Variants in CTNNAL1 observed in about 807,000 individuals in gnomAD.
The protein encoded by CTNNAL1 is alpha-catulin.
Under a neutral mutation model 93.6 loss-of-function variants are expected in CTNNAL1, and 69 were observed. The ratio of observed to expected loss-of-function variants is 0.74; its 90% CI spans 0.61 to 0.90. The LOEUF is 0.90. Ranked by LOEUF, CTNNAL1 falls within the 40% of genes least tolerant of loss-of-function variation. The probability of loss-of-function intolerance (pLI) is 0.00; values close to 1 mark genes in which losing one functional copy is unlikely to be tolerated. For missense variants in CTNNAL1, 836 were observed against 862.0 expected, an observed-to-expected ratio of 0.97 and a Z score of 0.38; for synonymous variants, 286 against 305.4, an observed-to-expected ratio of 0.94 and a Z score of 0.66.
chr9:108,996,194 GC>G (rs1227132096), intron 2 of CTNNAL1, among the ~76,000 whole-genome samples: 1 of 151,982 alleles, frequency 6.6e-6, no homozygotes, highest in Non-Finnish European at 1.5e-5. Context: ...CTCAAACACA[GC>G]TCAAGCGATC....
chr9:108,967,496 A>G (rs1284276819), intron 10 of CTNNAL1, among the ~76,000 whole-genome samples: 1 of 152,178 alleles, frequency 6.6e-6, no homozygotes, highest in East Asian at 1.9e-4. Flanking sequence ...AAACAGATAA[A>G]TGTCCCTGGC....
chr9:108,982,401 AT>A (rs1361937291), intron 6 of CTNNAL1, among the ~76,000 whole-genome samples: 1 of 152,236 alleles, frequency 6.6e-6, no homozygotes, highest in African/African-American at 2.4e-5. Flanking sequence ...AATTTTAATT[AT>A]TACTAATACT....
chr9:108,946,072 G>A (rs1053332013), intron 15 of CTNNAL1, among the ~76,000 whole-genome samples: 11 of 151,898 alleles, frequency 7.2e-5, no homozygotes, highest in African/African-American at 1.5e-4. Flanking sequence ...AGGCTGAGGC[G>A]GGCGAATCAC....
chr9:108,972,864 G>GGGGGGGGGGGGCCCCCCCCCCCCC, intron 8 of CTNNAL1, 31 bp from the exon 9 acceptor site: 3 of 142,548 alleles, frequency 2.1e-5, no homozygotes, highest in East Asian at 2.2e-4. Context: ...GGGGGGGTGG[G>GGGGGGGGGGGGCCCCCCCCCCCCC]AGGGTGGAGA....
At chr9:108,964,041 T>A (rs1053604095) in intron 11 of CTNNAL1, among the ~76,000 whole-genome samples, 1 of 152,166 alleles carries the variant, frequency 6.6e-6, no homozygotes, top group African/African-American at 2.4e-5. Context: ...TTCCCAACAG[T>A]CCCTAAGGCT....
rs1439732576 is a variant in CTNNAL1 at position 108,983,179 on chromosome 9, G to A, written c.866C>T (p.Ser289Phe). 1 of 1,566,944 alleles carries A rather than the reference G, an allele frequency of 6.4e-7. No individual in the cohort carries two copies. Among genetic ancestry groups the A allele is most frequent in the South Asian group, 1.2e-5 (1 of 81,794 alleles). ...CTTAATTCCAGTAAAAATACTGATA[G>A]ATGAAATGTCAGTCTCTCCATTCGG... is the stretch of plus-strand genomic sequence containing the variant. ...CKPNGETDIS[S>F]ISIFTGIKEF... Residue 289 changes from serine (S) to phenylalanine (F), a missense_variant, in exon 6 of 19, where the codon TCT (serine) becomes TTT (phenylalanine). Ser to Phe is a radical substitution (Grantham distance 155). Transcript: ENST00000325551.
At position 108,944,054 on chromosome 9, in the gene CTNNAL1, A is replaced by C. The variant is rs2132074783; in HGVS notation, c.1885-36T>G. The C allele has an allele frequency of 2.0e-6, 3 of 1,532,528 alleles. No homozygotes were observed. In the East Asian group the frequency reaches 6.7e-5, roughly 34 times the overall value. The allele number at this position is 1,532,528 out of a possible 1,614,324, so 94.9% of individuals were successfully genotyped here. ...GAGAAAACACCACTATTTTAGACTGATGTCTATGGATAGTTGGTAAGAAAT... is the reference window on the plus strand; with the variant it reads ...GAGAAAACACCACTATTTTAGACTGCTGTCTATGGATAGTTGGTAAGAAAT... On this transcript the variant is annotated intron_variant, in intron 15 of 18. Transcript: ENST00000325551.
chr9:108,985,725 C>T (rs1054507973), intron 4 of CTNNAL1, among the ~76,000 whole-genome samples: 4 of 152,202 alleles, frequency 2.6e-5, no homozygotes, highest in African/African-American at 9.6e-5. Context: ...ACCCATTCCT[C>T]TTGTCTTTAA....
chr9:108,956,144 C>T (rs1353150544), intron 11 of CTNNAL1, among the ~76,000 whole-genome samples: 1 of 152,208 alleles, frequency 6.6e-6, no homozygotes, highest in Non-Finnish European at 1.5e-5. Flanking sequence ...GCTCCTTTTA[C>T]AGCAGTTTGC....
intron 15 of CTNNAL1, 97 bp downstream of exon 15, chr9:108,948,089 G>A (rs1285787074): frequency 2.3e-6 from 3 of 1,329,694 alleles, no homozygotes; most frequent in Non-Finnish European, 3.2e-6. Flanking sequence ...ACAGATGTAA[G>A]CATATACACA....
chr9:109,012,748 G>A (rs532620540), intron 1 of CTNNAL1, among the ~76,000 whole-genome samples: 86 of 152,350 alleles, frequency 5.6e-4, no homozygotes, highest in African/African-American at 2.0e-3. Context: ...TGGCCGGGAT[G>A]AATGGGAGGC....
At chr9:109,004,096 G>A (rs1207572096) in intron 1 of CTNNAL1, among the ~76,000 whole-genome samples, 2 of 152,048 alleles carry the variant, frequency 1.3e-5, no homozygotes, top group African/African-American at 4.8e-5. Flanking sequence ...TTCACCCTAG[G>A]GAAAGACAAT....
intron 1 of CTNNAL1, among the ~76,000 whole-genome samples, chr9:109,000,201 T>C (rs1224954152): frequency 6.6e-6 from 1 of 152,210 alleles, no homozygotes; most frequent in Non-Finnish European, 1.5e-5. Context: ...AAATTTAATA[T>C]CTAAATTTCC....
At chr9:108,974,484 G>A (rs1831204061) in intron 8 of CTNNAL1, among the ~76,000 whole-genome samples, 1 of 152,048 alleles carries the variant, frequency 6.6e-6, no homozygotes, top group African/African-American at 2.4e-5. Flanking sequence ...ACATATCAGT[G>A]CCAAGTAAGA....
intron 6 of CTNNAL1, among the ~76,000 whole-genome samples, chr9:108,981,855 G>T (rs940258382): frequency 1.3e-5 from 2 of 152,198 alleles, no homozygotes; most frequent in African/African-American, 4.8e-5. Context: ...AACCCAGGAG[G>T]TGGAGGTTGC....
intron 10 of CTNNAL1, among the ~76,000 whole-genome samples, chr9:108,966,545 AG>A (rs75362804): frequency 0.017 from 2,657 of 152,238 alleles, 42 homozygotes; most frequent in East Asian, 0.1. Context: ...CACAGGCTCC[AG>A]TAGGGACTTT....
Position 108,952,352 on chromosome 9 carries a change from C to A in CTNNAL1, c.1692G>T (p.Lys564Asn). Residue 564 changes from lysine (K) to asparagine (N), a missense_variant, in exon 14 of 19, where the codon AAG (lysine) becomes AAT (asparagine). Physicochemically the swap from Lys to Asn is moderately conservative, Grantham distance 94. Coordinates refer to ENST00000325551, the MANE Select transcript of CTNNAL1 (RefSeq NM_003798.4). ...PDKPDSEEQAKIAKLGLKLGL... is the reference protein window; with the variant it reads ...PDKPDSEEQANIAKLGLKLGL... The stretch of plus-strand genomic sequence containing the variant: ...CCAGCTTAAGTCCAAGCTTTGCTAT[C>A]TTGGCTTGCTCCTATGAAACAGACG... The A allele has an allele frequency of 6.2e-7, 1 of 1,614,172 alleles. No homozygotes were observed. Among genetic ancestry groups the A allele is most frequent in the East Asian group, 2.2e-5 (1 of 44,874 alleles).
intron 11 of CTNNAL1, among the ~76,000 whole-genome samples, chr9:108,958,183 A>C (rs560350611): frequency 4.3e-4 from 66 of 152,204 alleles, no homozygotes; most frequent in South Asian, 1.2e-3. Context: ...CAGCTACAGG[A>C]GTAATCTTGT....
chr9:108,984,488 A>G (rs1365380658), intron 4 of CTNNAL1, 52 bp from the exon 5 acceptor site: 3 of 990,798 alleles, frequency 3.0e-6, no homozygotes, highest in South Asian at 1.4e-5. Flanking sequence ...GAACAACCCA[A>G]TTTCTTAAAA....
Sources: gnomAD v4.1 joint callset for allele counts (sites outside exome capture counted in the v4.1 genomes callset) on GRCh38, gnomAD v4.1.1 for gene constraint, MANE v1.5 for transcripts, NCBI Gene and HGNC (gene_info 2026-07-23, HGNC 2026-07-21) for gene names.